The following GABBR2 variants were observed in gnomAD, a reference collection of about 807,000 sequenced individuals.
GABBR2 encodes the protein gamma-aminobutyric acid type B receptor subunit 2.
A neutral mutation model predicts 105.6 loss-of-function variants in GABBR2; 23 were observed. The observed-to-expected ratio is 0.22, with a 90% CI of 0.16 to 0.31. The LOEUF (loss-of-function observed/expected upper bound fraction) is 0.31. Ranked by LOEUF, GABBR2 falls within the 10% of genes least tolerant of loss-of-function variation. The pLI, the probability that GABBR2 is intolerant of heterozygous loss-of-function variation, is 1.00. For missense variants in GABBR2, 734 were observed against 1,245.5 expected (o/e 0.59, Z 6.18); for synonymous variants, 478 against 499.7 (o/e 0.96, Z 0.58).
At chr9:98,430,682 C>T (rs1825791928) in intron 7 of GABBR2, among the ~76,000 whole-genome samples, 1 of 152,144 alleles carries the variant, frequency 6.6e-6, no homozygotes, top group Non-Finnish European at 1.5e-5. Context: ...CCTCTCCATG[C>T]AGCTCTCTCT....
chr9:98,685,486 T>C (rs953624428), intron 1 of GABBR2, among the ~76,000 whole-genome samples: 2 of 152,212 alleles, frequency 1.3e-5, no homozygotes, highest in African/African-American at 4.8e-5. Flanking sequence ...AGAATTCTAA[T>C]ATACTTGTTG....
At chr9:98,489,651 A>C (rs1827133297) in intron 4 of GABBR2, among the ~76,000 whole-genome samples, 1 of 152,018 alleles carries the variant, frequency 6.6e-6, no homozygotes, top group Admixed American at 6.5e-5. Flanking sequence ...TTTCGAACGT[A>C]ATATCAACTA....
chr9:98,702,398 G>A (rs980159133), intron 1 of GABBR2, among the ~76,000 whole-genome samples: 3 of 151,766 alleles, frequency 2.0e-5, no homozygotes, highest in African/African-American at 4.8e-5. Flanking sequence ...CCCCATCACC[G>A]CTCCCTTCAA....
chr9:98,523,725 G>A (rs1827909583), intron 3 of GABBR2, among the ~76,000 whole-genome samples: 1 of 152,180 alleles, frequency 6.6e-6, no homozygotes, highest in Non-Finnish European at 1.5e-5. Context: ...CAGGAAGCAA[G>A]GGCTGCAGAA....
intron 1 of GABBR2, among the ~76,000 whole-genome samples, chr9:98,598,283 G>A (rs150365136): frequency 1.2e-3 from 179 of 152,234 alleles, no homozygotes; most frequent in African/African-American, 3.1e-3. Flanking sequence ...GGACAGGAGC[G>A]TCTTCATTTT....
chr9:98,543,884 T>A (rs1828354000), intron 2 of GABBR2, among the ~76,000 whole-genome samples: 1 of 152,184 alleles, frequency 6.6e-6, no homozygotes, highest in Admixed American at 6.5e-5. Context: ...CGGTTTTTTT[T>A]AATGAGGATG....
At chr9:98,503,767 AG>A (rs1827450067) in intron 3 of GABBR2, among the ~76,000 whole-genome samples, 1 of 151,862 alleles carries the variant, frequency 6.6e-6, no homozygotes, top group African/African-American at 2.4e-5. Context: ...GTCTTTCAGG[AG>A]GTTGTGGTTA....
At chr9:98,627,164 C>G (rs906975113) in intron 1 of GABBR2, among the ~76,000 whole-genome samples, 1 of 152,098 alleles carries the variant, frequency 6.6e-6, no homozygotes, top group Non-Finnish European at 1.5e-5. Context: ...GGGACAGTGA[C>G]CCCCAATGTC....
chr9:98,475,973 A>C (rs1369302141), intron 5 of GABBR2, among the ~76,000 whole-genome samples: 4 of 152,206 alleles, frequency 2.6e-5, no homozygotes, highest in Admixed American at 6.5e-5. Context: ...CTGAGGCAGG[A>C]GAATTGCTTG....
chr9:98,686,099 C>G (rs1009100599), intron 1 of GABBR2, among the ~76,000 whole-genome samples: 4 of 150,990 alleles, frequency 2.6e-5, no homozygotes, highest in African/African-American at 9.9e-5. Context: ...GTGAAGCTGT[C>G]TTAGCTAGAA....
intron 1 of GABBR2, among the ~76,000 whole-genome samples, chr9:98,703,526 T>C (rs1430163957): frequency 6.6e-6 from 1 of 152,212 alleles, no homozygotes; most frequent in Non-Finnish European, 1.5e-5. Flanking sequence ...AGAGTCTTGC[T>C]CTGTTGCCCA....
intron 13 of GABBR2, among the ~76,000 whole-genome samples, chr9:98,331,824 C>T (rs545921291): frequency 6.6e-6 from 1 of 152,282 alleles, no homozygotes; most frequent in Non-Finnish European, 1.5e-5. Context: ...AGCATGCATA[C>T]ATTTTAACCA....
At chr9:98,495,575 C>T (rs1827260956) in intron 4 of GABBR2, among the ~76,000 whole-genome samples, 1 of 152,168 alleles carries the variant, frequency 6.6e-6, no homozygotes, top group South Asian at 2.1e-4. Context: ...CCCTTCTACC[C>T]CACTCCAGGT....
chr9:98,339,670 C>G (rs546926437), intron 13 of GABBR2, among the ~76,000 whole-genome samples: 1 of 152,306 alleles, frequency 6.6e-6, no homozygotes, highest in African/African-American at 2.4e-5. Flanking sequence ...CAAGATTTCT[C>G]TAAGGTGTGT....
At chr9:98,603,600 C>T (rs1315444891) in intron 1 of GABBR2, among the ~76,000 whole-genome samples, 2 of 152,064 alleles carry the variant, frequency 1.3e-5, no homozygotes, top group East Asian at 3.9e-4. Flanking sequence ...TGATTTTTGC[C>T]TCCCACCCTG....
chr9:98,327,357 T>C (rs1830941848), intron 13 of GABBR2, among the ~76,000 whole-genome samples: 1 of 152,040 alleles, frequency 6.6e-6, no homozygotes, highest in Non-Finnish European at 1.5e-5. Context: ...TGCCCCCACC[T>C]GCTCAAAACC....
chr9:98,381,405 C>T (rs1458585878), intron 11 of GABBR2, among the ~76,000 whole-genome samples: 1 of 152,176 alleles, frequency 6.6e-6, no homozygotes, highest in Non-Finnish European at 1.5e-5. Flanking sequence ...CTTCTAGGTC[C>T]GAAGGACAGA....
intron 13 of GABBR2, among the ~76,000 whole-genome samples, chr9:98,338,170 TAGA>T (rs1383011798): frequency 4.6e-5 from 7 of 152,202 alleles, no homozygotes; most frequent in African/African-American, 9.6e-5. Flanking sequence ...ATAAAACTCT[TAGA>T]AGAAGACATA....
At chr9:98,427,140 G>T (rs925883260) in intron 7 of GABBR2, among the ~76,000 whole-genome samples, 2 of 152,180 alleles carry the variant, frequency 1.3e-5, no homozygotes, top group Non-Finnish European at 2.9e-5. Flanking sequence ...CAGAATGAAG[G>T]CTGTGAGATG....
Sources: allele counts gnomAD v4.1 joint callset (sites outside exome capture counted in the v4.1 genomes callset), GRCh38; gene constraint gnomAD v4.1.1; transcripts MANE v1.5; gene names NCBI Gene and HGNC (gene_info 2026-07-23, HGNC 2026-07-21).